TCF12: variants seen among roughly 807,000 people sequenced by gnomAD.
TCF12 encodes DNA-binding protein HTF4.
TCF12 carries 45 observed loss-of-function variants against 86.0 expected under a neutral mutation model. That is an observed-to-expected ratio of 0.52 (90% CI 0.41 to 0.67). The LOEUF is 0.67. Ranked by LOEUF, TCF12 falls within the 30% of genes least tolerant of loss-of-function variation. The pLI, the probability that TCF12 is intolerant of heterozygous loss-of-function variation, is 0.00. For synonymous variants in TCF12, 330 were observed against 299.6 expected (o/e 1.10, Z -1.05); for missense variants, 881 against 859.9 (o/e 1.02, Z -0.31).
At chr15:57,010,429 T>A (rs1219756596) in intron 3 of TCF12, among the ~76,000 whole-genome samples, 3 of 152,036 alleles carry the variant, frequency 2.0e-5, no homozygotes, top group South Asian at 2.1e-4. Context: ...TTAAAAAAAA[T>A]TATTTATAAA....
At chr15:57,183,162 A>G (rs2056459362) in intron 6 of TCF12, among the ~76,000 whole-genome samples, 1 of 152,286 alleles carries the variant, frequency 6.6e-6, no homozygotes, top group African/African-American at 2.4e-5. Flanking sequence ...AAAGTTACCA[A>G]CCCACAGAAG....
At chr15:57,067,279 G>A (rs563541173) in intron 4 of TCF12, among the ~76,000 whole-genome samples, 3 of 152,220 alleles carry the variant, frequency 2.0e-5, no homozygotes, top group Middle Eastern at 3.4e-3. Flanking sequence ...GGTGGCTCAC[G>A]CCTGTAATCC....
intron 3 of TCF12, among the ~76,000 whole-genome samples, chr15:57,026,586 A>T (rs184209763): frequency 3.2e-4 from 49 of 152,384 alleles, no homozygotes; most frequent in Non-Finnish European, 5.9e-5. Flanking sequence ...CATTCAACTC[A>T]GTAAATAAGT....
At chr15:57,174,223 C>T (rs558120777) in intron 6 of TCF12, among the ~76,000 whole-genome samples, 14 of 152,216 alleles carry the variant, frequency 9.2e-5, no homozygotes, top group South Asian at 2.1e-4. Context: ...TCAAACAACA[C>T]GTGTGGTTTG....
At chr15:57,047,761 G>A (rs1418245435) in intron 3 of TCF12, among the ~76,000 whole-genome samples, 1 of 152,134 alleles carries the variant, frequency 6.6e-6, no homozygotes, top group African/African-American at 2.4e-5. Flanking sequence ...ATTGTTGTGT[G>A]TCACTTAATA....
chr15:57,093,846 AATCTGC>A (rs2049148781), intron 5 of TCF12, among the ~76,000 whole-genome samples: 1 of 152,204 alleles, frequency 6.6e-6, no homozygotes, highest in Non-Finnish European at 1.5e-5. Context: ...AAATGAAAAA[AATCTGC>A]ATTCATGTGA....
rs112169735 is a variant in TCF12, at chr15:57,012,587, A to G, written c.149-51163A>G. On this transcript the variant is annotated intron_variant, in intron 3 of 20. Coordinates refer to ENST00000333725, the MANE Select transcript of TCF12 (RefSeq NM_207037.2). Reference sequence around the variant, plus strand: ...TTCATTGAGTACCCTTTGGATCAACATCTGTGAAACAGAGGGGAAGGAAGC... The same window carrying G: ...TTCATTGAGTACCCTTTGGATCAACGTCTGTGAAACAGAGGGGAAGGAAGC... 1.8e-4 allele frequency among the ~76,000 whole-genome samples: 27 copies of G among 152,356 alleles called. 1 individual carries two copies. Among genetic ancestry groups the G allele is most frequent in the Middle Eastern group, 6.8e-3 (2 of 294 alleles).
At chr15:57,216,432 T>C (rs2058332528) in intron 8 of TCF12, among the ~76,000 whole-genome samples, 1 of 151,972 alleles carries the variant, frequency 6.6e-6, no homozygotes, top group African/African-American at 2.4e-5. Context: ...CAATTCTGGA[T>C]AAAAAGTGCA....
At chr15:57,260,872 ATT>A (rs1477301762) in intron 16 of TCF12, among the ~76,000 whole-genome samples, 6 of 152,200 alleles carry the variant, frequency 3.9e-5, no homozygotes, top group African/African-American at 1.4e-4. Flanking sequence ...TTTAAAAATA[ATT>A]TGTTCTCTTG....
At chr15:56,997,877 G>C (rs1036915619) in intron 3 of TCF12, among the ~76,000 whole-genome samples, 2 of 152,098 alleles carry the variant, frequency 1.3e-5, no homozygotes, top group African/African-American at 4.8e-5. Context: ...AAAAGATATA[G>C]CATGCAAACA....
At chr15:56,936,897 T>G (rs2060493490) in intron 3 of TCF12, among the ~76,000 whole-genome samples, 1 of 152,224 alleles carries the variant, frequency 6.6e-6, no homozygotes, top group Non-Finnish European at 1.5e-5. Flanking sequence ...TAGTTTGAAG[T>G]CAGGTAATGT....
At chr15:57,005,489 A>G (rs1471338362) in intron 3 of TCF12, among the ~76,000 whole-genome samples, 2 of 152,234 alleles carry the variant, frequency 1.3e-5, no homozygotes, top group Non-Finnish European at 1.5e-5. Context: ...GTTGTAGCAA[A>G]ACAGAATGAA....
chr15:56,986,713 C>T (rs1419548162), intron 3 of TCF12, among the ~76,000 whole-genome samples: 1 of 152,094 alleles, frequency 6.6e-6, no homozygotes, highest in African/African-American at 2.4e-5. Flanking sequence ...CTTTTAAACA[C>T]AATTTACTAA....
At chr15:57,233,118 GTGTATATA>G (rs199629610) in intron 11 of TCF12, among the ~76,000 whole-genome samples, 2,112 of 149,646 alleles carry the variant, frequency 0.014, 55 homozygotes, top group African/African-American at 0.048. Context: ...ATATATGTTT[GTGTATATA>G]TGTATATATG....
intron 3 of TCF12, among the ~76,000 whole-genome samples, chr15:56,960,305 A>G (rs2061686661): frequency 6.6e-6 from 1 of 152,162 alleles, no homozygotes; most frequent in African/African-American, 2.4e-5. Flanking sequence ...TATTTTTGTA[A>G]GTAATTTTGA....
intron 8 of TCF12, among the ~76,000 whole-genome samples, chr15:57,207,974 A>G (rs1302577016): frequency 2.0e-5 from 3 of 152,056 alleles, no homozygotes; most frequent in Non-Finnish European, 4.4e-5. Flanking sequence ...TGAATGAAGA[A>G]CTATTTTAGA....
chr15:57,230,260 A>G (rs2059073736), intron 8 of TCF12, among the ~76,000 whole-genome samples: 1 of 152,002 alleles, frequency 6.6e-6, no homozygotes, highest in Admixed American at 6.6e-5. Flanking sequence ...AAAACAAAAT[A>G]ATTTGTTTGT....
intron 3 of TCF12, among the ~76,000 whole-genome samples, chr15:57,002,276 C>T (rs1240361794): frequency 5.3e-5 from 8 of 152,146 alleles, no homozygotes; most frequent in African/African-American, 1.9e-4. Flanking sequence ...AAAACAAACA[C>T]TTCTTGCACA....
chr15:57,236,998 C>T (rs942133959), intron 12 of TCF12, among the ~76,000 whole-genome samples: 2 of 152,074 alleles, frequency 1.3e-5, no homozygotes, highest in African/African-American at 4.8e-5. Context: ...TGGTTTCTTT[C>T]GGTGCCTAAT....
Sources: gnomAD v4.1 joint callset for allele counts (sites outside exome capture counted in the v4.1 genomes callset) on GRCh38, gnomAD v4.1.1 for gene constraint, MANE v1.5 for transcripts, NCBI Gene and HGNC (gene_info 2026-07-23, HGNC 2026-07-21) for gene names.